The following PTPRN2 variants were observed in gnomAD, a reference collection of about 807,000 sequenced individuals.
PTPRN2 encodes protein tyrosine phosphatase receptor type N2.
PTPRN2 carries 74 observed loss-of-function variants against 118.8 expected under a neutral mutation model. The observed-to-expected ratio is 0.62, with a 90% CI of 0.52 to 0.76. The LOEUF is 0.76. Among genes scored for constraint, PTPRN2 ranks in the 30% least tolerant of loss-of-function variants. PTPRN2 has a pLI of 0.00. For missense variants in PTPRN2, 1,481 were observed against 1,394.4 expected (o/e 1.06, Z -0.99); for synonymous variants, 641 against 608.0 (o/e 1.05, Z -0.80).
At chr7:158,567,325 T>C (rs1442706885) in intron 1 of PTPRN2, among the ~76,000 whole-genome samples, 1 of 152,222 alleles carries the variant, frequency 6.6e-6, no homozygotes, top group Non-Finnish European at 1.5e-5. Context: ...GCTGGAGAAC[T>C]GGCCATTCTG....
chr7:158,220,108 C>G (rs764019847), intron 3 of PTPRN2, among the ~76,000 whole-genome samples: 7 of 152,030 alleles, frequency 4.6e-5, no homozygotes, highest in East Asian at 1.9e-4. Context: ...ATTCAACATC[C>G]CTTCATGTTA....
intron 12 of PTPRN2, among the ~76,000 whole-genome samples, chr7:157,821,585 G>T (rs1806843974): frequency 6.6e-6 from 1 of 152,202 alleles, no homozygotes; most frequent in Admixed American, 6.5e-5. Flanking sequence ...CTGATGGAGA[G>T]CCCACAGTTG....
At chr7:158,139,217 T>C (rs1049531470) in intron 6 of PTPRN2, among the ~76,000 whole-genome samples, 3 of 152,072 alleles carry the variant, frequency 2.0e-5, no homozygotes, top group Non-Finnish European at 2.9e-5. Flanking sequence ...ACAAGGCCAT[T>C]TGTGGAGCTG....
At chr7:158,373,427 G>T (rs1473005361) in intron 2 of PTPRN2, among the ~76,000 whole-genome samples, 2 of 152,228 alleles carry the variant, frequency 1.3e-5, no homozygotes, top group Non-Finnish European at 2.9e-5. Flanking sequence ...TCTTCAGCAA[G>T]TACAGTTCTG....
chr7:158,268,871 T>A (rs1798100455), intron 3 of PTPRN2, among the ~76,000 whole-genome samples: 1 of 134,596 alleles, frequency 7.4e-6, no homozygotes, highest in East Asian at 2.2e-4. Context: ...AGGGCGGGTG[T>A]GAAATATCCC....
chr7:157,664,323 C>T (rs932135038), intron 13 of PTPRN2, among the ~76,000 whole-genome samples: 19 of 152,254 alleles, frequency 1.2e-4, no homozygotes, highest in Non-Finnish European at 2.2e-4. Flanking sequence ...TGCCATCAGA[C>T]GAGAGCAGCC....
intron 3 of PTPRN2, among the ~76,000 whole-genome samples, chr7:158,244,101 A>G (rs1796049493): frequency 6.6e-6 from 1 of 152,088 alleles, no homozygotes; most frequent in Non-Finnish European, 1.5e-5. Context: ...TTCCCCACTG[A>G]CCACCAATGC....
intron 11 of PTPRN2, chr7:158,027,301 A>G (rs906167648): frequency 6.6e-6 from 1 of 152,214 alleles, no homozygotes; most frequent in East Asian, 1.9e-4. Context: ...TGGAGGAAAT[A>G]CTCTCAAATG....
chr7:158,431,417 G>A (rs367986492), intron 2 of PTPRN2, among the ~76,000 whole-genome samples: 1 of 105,610 alleles, frequency 9.5e-6, no homozygotes, highest in East Asian at 3.0e-4. Flanking sequence ...GGCTCACACT[G>A]GGCACACTGG....
intron 11 of PTPRN2, among the ~76,000 whole-genome samples, chr7:157,994,288 C>G (rs139713576): frequency 9.7e-4 from 148 of 152,284 alleles, no homozygotes; most frequent in African/African-American, 3.4e-3. Context: ...ATTTAATCCA[C>G]GAAGCAGCAC....
At chr7:158,234,212 G>A (rs898018656) in intron 3 of PTPRN2, among the ~76,000 whole-genome samples, 1 of 151,320 alleles carries the variant, frequency 6.6e-6, no homozygotes, top group African/African-American at 2.4e-5. Flanking sequence ...ATATGTAAAC[G>A]ATCCATCTGA....
chr7:157,979,727 G>A (rs567090088), intron 11 of PTPRN2, among the ~76,000 whole-genome samples: 1 of 152,218 alleles, frequency 6.6e-6, no homozygotes, highest in Admixed American at 6.5e-5. Context: ...TCTGCAGGGG[G>A]TGCCGCTGAA....
rs529051056 is a variant in PTPRN2 at position 157,590,653 on chromosome 7, G to A, written c.2496+4585C>T. Among the ~76,000 whole-genome samples, 3 of 151,660 alleles carry A rather than the reference G, an allele frequency of 2.0e-5. No individual in the cohort carries two copies. In the Admixed American group the frequency reaches 2.0e-4, roughly 10 times the overall value. On this transcript the variant is annotated intron_variant, in intron 17 of 22. Transcript: ENST00000389418. The surrounding 1 kb of genome is among the most constrained non-coding windows in gnomAD (Gnocchi z 4.0). ...AGAGGTGCTGTGGGCCCTGCGGGAC[G>A]GGGAGCTGATGGGGCCTCGCGGTGC...
chr7:158,587,475 C>T, intron 1 of PTPRN2, 83 bp downstream of exon 1: 1 of 1,019,020 alleles, frequency 9.8e-7, no homozygotes, highest in Non-Finnish European at 1.2e-6. Flanking sequence ...TCTCCCCACC[C>T]AGACCCCCTC....
At chr7:158,130,600 C>T (rs1263943863) in intron 9 of PTPRN2, among the ~76,000 whole-genome samples, 1 of 151,664 alleles carries the variant, frequency 6.6e-6, no homozygotes, top group African/African-American at 2.4e-5. Context: ...AACCAATACA[C>T]ATCTACCCTA....
Position 158,276,242 on chromosome 7 carries a change from G to A in PTPRN2, c.277+40577C>T, listed in dbSNP as rs544525610. On this transcript the variant is annotated intron_variant, in intron 3 of 22. Coordinates refer to ENST00000389418, the MANE Select transcript of PTPRN2 (RefSeq NM_002847.5). ...CTGTAAGGTAGCACCCCCACATCCC[G>A]GTCCTGGTAGCACCCCCACACTCTG... Among the ~76,000 whole-genome samples the A allele has an allele frequency of 1.9e-4, 8 of 42,660 alleles. 1 individual carries two copies. Among genetic ancestry groups the A allele is most frequent in the South Asian group, 1.1e-3 (1 of 910 alleles). The allele number at this position is 42,660 out of a possible 152,430, so 28.0% of individuals were successfully genotyped here.
intron 12 of PTPRN2, among the ~76,000 whole-genome samples, chr7:157,898,329 C>T (rs1797250291): frequency 6.6e-6 from 1 of 152,206 alleles, no homozygotes; most frequent in Non-Finnish European, 1.5e-5. Context: ...CCCTCTAGCC[C>T]ATATTCATTT....
rs183232446 is a variant in PTPRN2, at chr7:158,238,460, A to G, written c.278-33187T>C. Among the ~76,000 whole-genome samples, 157 of 152,292 alleles carry G rather than the reference A, an allele frequency of 1.0e-3. 3 individuals are homozygous for G. Among genetic ancestry groups the G allele is most frequent in the African/African-American group, 3.3e-3 (137 of 41,554 alleles). ...CTTCTGGTCTCTGCCGCTCATCAGA[A>G]ACCTTTCTTCCGCCCTCAGCCACTG... On this transcript the variant is annotated intron_variant, in intron 3 of 22. Transcript: ENST00000389418.
intron 12 of PTPRN2, among the ~76,000 whole-genome samples, chr7:157,774,677 T>TG (rs1416119548): frequency 6.6e-6 from 1 of 152,148 alleles, no homozygotes; most frequent in Non-Finnish European, 1.5e-5. Context: ...AAGCTGGCCT[T>TG]GGGCTGGATC....
Sources: allele counts gnomAD v4.1 joint callset (sites outside exome capture counted in the v4.1 genomes callset), GRCh38; gene constraint gnomAD v4.1.1; non-coding constraint Gnocchi (gnomAD v3.1); transcripts MANE v1.5; gene names NCBI Gene and HGNC (gene_info 2026-07-23, HGNC 2026-07-21).